The following DMD variants were observed in gnomAD, a reference collection of about 807,000 sequenced individuals.
DMD encodes the protein dystrophin, also known as mutant dystrophin.
A neutral mutation model predicts 330.1 loss-of-function variants in DMD; 63 were observed. The observed-to-expected ratio is 0.19, with a 90% confidence interval of 0.16 to 0.24. DMD has a LOEUF of 0.24. Ranked by LOEUF, DMD falls within the 10% of genes least tolerant of loss-of-function variation. The pLI, the probability that DMD is intolerant of heterozygous loss-of-function variation, is 1.00. For missense variants in DMD, 3,344 were observed against 2,684.1 expected (o/e 1.25, Z -5.43); for synonymous variants, 1,223 against 959.8 (o/e 1.27, Z -5.07).
At chrX:32,723,447 G>T (rs1307198149) in intron 7 of DMD, among the ~76,000 whole-genome samples, 1 of 111,480 alleles carries the variant, frequency 9.0e-6, no homozygotes, top group African/African-American at 3.3e-5. Context: ...AATGGCTTTG[G>T]AGGTATTTCC....
chrX:33,047,494 T>C (rs189484448), intron 1 of DMD, among the ~76,000 whole-genome samples: 1 of 111,403 alleles, frequency 9.0e-6, no homozygotes, highest in Admixed American at 9.6e-5. Flanking sequence ...TTTGTACTAC[T>C]GGCGATTTTT....
chrX:31,513,968 T>G (rs1030346684), intron 55 of DMD, among the ~76,000 whole-genome samples: 4 of 112,346 alleles, frequency 3.6e-5, no homozygotes, highest in African/African-American at 9.7e-5. Context: ...TCAGGGATTG[T>G]GCTCTTAGCC....
At chrX:31,330,381 C>T (rs1489318968) in intron 61 of DMD, among the ~76,000 whole-genome samples, 2 of 111,490 alleles carry the variant, frequency 1.8e-5, no homozygotes, top group African/African-American at 6.5e-5. Context: ...GAAGTATAAG[C>T]AATTCTTGAG....
intron 17 of DMD, among the ~76,000 whole-genome samples, chrX:32,519,856 C>T (rs1331060468): frequency 8.9e-6 from 1 of 111,886 alleles, no homozygotes; most frequent in Non-Finnish European, 1.9e-5. Flanking sequence ...GAACACAAAG[C>T]CCTTAGAAAA....
chrX:33,276,910 T>C (rs113261253), intron 1 of DMD, among the ~76,000 whole-genome samples: 1,232 of 112,372 alleles, frequency 0.011, 20 homozygotes, highest in African/African-American at 0.038. Flanking sequence ...AACTGCGGTA[T>C]AATATCAAAA....
intron 55 of DMD, among the ~76,000 whole-genome samples, chrX:31,606,781 T>C (rs192592460): frequency 1.8e-5 from 2 of 112,423 alleles, no homozygotes; most frequent in African/African-American, 6.4e-5. Flanking sequence ...AAAGTTGTTC[T>C]TCAAGTGGGA....
chrX:31,629,016 A>T (rs2079004696), intron 54 of DMD, among the ~76,000 whole-genome samples: 1 of 108,479 alleles, frequency 9.2e-6, no homozygotes, highest in Admixed American at 9.9e-5. Flanking sequence ...AGAAAGGAAA[A>T]TTGCCTTAGG....
In DMD at chrX:31,774,126, A is replaced by G. The variant is rs1440011486; in HGVS notation, c.7376T>C (p.Leu2459Pro). 1.7e-6 allele frequency: 2 copies of G among 1,211,047 alleles called. No individual in the cohort carries two copies. Among genetic ancestry groups the G allele is most frequent in the South Asian group, 1.8e-5 (1 of 56,972 alleles). The change falls in exon 51 of 79, where the codon CTA becomes CCA. Residue 2459 changes from leucine to proline, a missense_variant. Leu to Pro is a moderately conservative substitution (Grantham distance 98, BLOSUM62 -3). Transcript: ENST00000357033. ...CAACATCAAGGAAGATGGCATTTCT[A>G]GTTTGGAGATGGCAGTTTCCTTAGT... is the stretch of plus-strand genomic sequence containing the variant. ...VVTKETAISKLEMPSSLMLEV... is the reference protein window; with the variant it reads ...VVTKETAISKPEMPSSLMLEV...
chrX:32,268,755 TAACTG>T lies in DMD; in HGVS notation c.6290+18769_6290+18773del, dbSNP rs975089482. 8.1e-5 allele frequency among the ~76,000 whole-genome samples: 9 copies of T among 111,707 alleles called. No homozygotes were observed. The South Asian group carries it at 1.1e-3, about 14-fold the overall frequency. On this transcript the variant is annotated intron_variant, in intron 43 of 78. Coordinates refer to ENST00000357033, the MANE Select transcript of DMD (RefSeq NM_004006.3). ...CTACATAGAGGTAAGGAAAAGCACTTAACTGGAGCAGAAAATTCACTCATTCTTTT... is the reference window on the plus strand; with the variant it reads ...CTACATAGAGGTAAGGAAAAGCACTTGAGCAGAAAATTCACTCATTCTTTT...
Position 33,159,044 on chromosome X carries a change from T to C in DMD, c.31+52238A>G, listed in dbSNP as rs1313889074. ...TTATCACTTCAGTATTCTGCATGCT[T>C]AAAAGATAGGAGTCACACCTACCTT... is the stretch of plus-strand genomic sequence containing the variant. On this transcript the variant is annotated intron_variant, in intron 1 of 78. Coordinates refer to ENST00000357033, the MANE Select transcript of DMD (RefSeq NM_004006.3). Among the ~76,000 whole-genome samples the C allele has an allele frequency of 2.7e-5, 3 of 111,890 alleles. No homozygotes were observed. In the Admixed American group the frequency reaches 2.9e-4, roughly 11 times the overall value.
chrX:32,292,878 T>C (rs2097479264), intron 42 of DMD, among the ~76,000 whole-genome samples: 1 of 112,474 alleles, frequency 8.9e-6, no homozygotes, highest in Admixed American at 9.4e-5. Context: ...TAAAAGTCAA[T>C]GCTTACAATG....
At chrX:33,118,312 G>A (rs1199646739) in intron 1 of DMD, among the ~76,000 whole-genome samples, 15 of 109,072 alleles carry the variant, frequency 1.4e-4, no homozygotes, top group Admixed American at 1.2e-3. Context: ...GGGTTTCACC[G>A]TGTTAGCCAG....
chrX:32,617,042 T>G (rs1159287879), intron 11 of DMD, among the ~76,000 whole-genome samples: 1 of 110,329 alleles, frequency 9.1e-6, no homozygotes, highest in Non-Finnish European at 1.9e-5. Flanking sequence ...CTGTTCATGT[T>G]TGGCTCCTCA....
intron 61 of DMD, among the ~76,000 whole-genome samples, chrX:31,334,419 C>T (rs188699542): frequency 9.4e-4 from 105 of 111,462 alleles, no homozygotes; most frequent in African/African-American, 3.2e-3. Context: ...GGACAATATG[C>T]GTTAATACTC....
chrX:31,312,150 A>G (rs1487833742), intron 62 of DMD, among the ~76,000 whole-genome samples: 1 of 112,494 alleles, frequency 8.9e-6, no homozygotes, highest in African/African-American at 3.2e-5. Flanking sequence ...AAAAGAAACT[A>G]TCATCAAAGT....
chrX:32,176,189 G>A (rs745904244), intron 44 of DMD, among the ~76,000 whole-genome samples: 16 of 111,950 alleles, frequency 1.4e-4, no homozygotes, highest in Middle Eastern at 4.2e-3. Context: ...ACTTTTTCAA[G>A]ATTTTTCTCT....
intron 63 of DMD, among the ~76,000 whole-genome samples, chrX:31,252,793 CAT>C (rs947075146): frequency 1.8e-5 from 2 of 111,787 alleles, no homozygotes; most frequent in African/African-American, 6.5e-5. Context: ...GCGGGTGGAT[CAT>C]GAGGTCAAGA....
chrX:31,604,006 T>C (rs1309976395), intron 55 of DMD, among the ~76,000 whole-genome samples: 1 of 112,459 alleles, frequency 8.9e-6, no homozygotes, highest in Non-Finnish European at 1.9e-5. Flanking sequence ...AAGTACGGAC[T>C]GTGCTAAAGG....
chrX:31,517,856 G>T (rs2072372445), intron 55 of DMD, among the ~76,000 whole-genome samples: 1 of 109,548 alleles, frequency 9.1e-6, no homozygotes, highest in African/African-American at 3.3e-5. Flanking sequence ...TTTAAAGATA[G>T]AAATGTTATT....
Sources: allele counts gnomAD v4.1 joint callset (sites outside exome capture counted in the v4.1 genomes callset), GRCh38; gene constraint gnomAD v4.1.1; transcripts MANE v1.5; gene names NCBI Gene and HGNC (gene_info 2026-07-23, HGNC 2026-07-21).